The following ZNF326 variants were observed in gnomAD, a reference collection of about 807,000 sequenced individuals.
ZNF326 encodes the protein DBIRD complex subunit ZNF326.
Under a neutral mutation model 63.1 loss-of-function variants are expected in ZNF326, and 30 were observed. The ratio of observed to expected loss-of-function variants is 0.48; its 90% CI spans 0.36 to 0.64. The LOEUF is 0.64. Ranked by LOEUF, ZNF326 falls within the 30% of genes least tolerant of loss-of-function variation. The pLI is 0.00. For synonymous variants in ZNF326, 194 were observed against 228.2 expected (o/e 0.85, Z 1.35); for missense variants, 609 against 720.3 (o/e 0.85, Z 1.77).
chr1:90,007,130 C>G lies in ZNF326; in HGVS notation c.210-215C>G, dbSNP rs1025559435. Among the ~76,000 whole-genome samples, 3 of 152,136 alleles carry G rather than the reference C, an allele frequency of 2.0e-5. No individual in the cohort carries two copies. The highest frequency in any genetic ancestry group is 7.2e-5 in the African/African-American group (3 of 41,418). ...TTTTAAAGCTAAGTTTTACTAAACT[C>G]AATTCATATTTATAATCTGACTCAG... On this transcript the variant is annotated intron_variant, in intron 4 of 11. Transcript: ENST00000340281. The surrounding 1 kb of genome is among the most constrained non-coding windows in gnomAD (Gnocchi z 4.9).
In ZNF326 at chr1:90,011,993, C is replaced by T. The variant is rs145737230; in HGVS notation, c.815-1133C>T. On this transcript the variant is annotated intron_variant, in intron 6 of 11. Transcript: ENST00000340281. ...CTGGGACTACAGATGTGCACCACCACGCCCAGCTAATTGTTGTATCTTGAG... is the reference window on the plus strand; with the variant it reads ...CTGGGACTACAGATGTGCACCACCATGCCCAGCTAATTGTTGTATCTTGAG... 4.9e-3 allele frequency among the ~76,000 whole-genome samples: 752 copies of T among 152,188 alleles called. 5 individuals carry two copies. Among genetic ancestry groups the T allele is most frequent in the African/African-American group, 0.017 (707 of 41,518 alleles).
chr1:90,007,752 T>A lies in ZNF326; in HGVS notation c.615+2T>A. 1 of 1,503,246 alleles carries A rather than the reference T, an allele frequency of 6.7e-7. No individual in the cohort carries two copies. The highest frequency in any genetic ancestry group is 8.9e-7 in the Non-Finnish European group (1 of 1,125,886). 93.1% of individuals were successfully genotyped at this position (1,503,246 alleles called of 1,614,324 possible). A position where few individuals can be genotyped will look rare whatever the true frequency, so the allele number is the denominator to read the frequency against. On this transcript the variant is annotated splice_donor_variant, in intron 5 of 11. Transcript: ENST00000340281. LOFTEE classifies it high-confidence loss of function. This position sits in a 1 kb window ranked among gnomAD's most constrained non-coding sequence, Gnocchi z 4.9. ...ACAGGCAGAGGCCGAGGCCGAGGAG[T>A]AAGTACAACAGAATCTTTTCAGATT...
chr1:90,027,767 T>G lies in ZNF326; in HGVS notation c.*66T>G. On this transcript the variant is annotated 3_prime_UTR_variant, in exon 12 of 12. Transcript: ENST00000340281. ...TCTAATGTAAAAAAGGGTAAGAAAT[T>G]TAATAGCTTAAAATATGAATTAACA... The G allele has an allele frequency of 2.7e-6, 4 of 1,479,354 alleles. No individual in the cohort carries two copies. Among genetic ancestry groups the G allele is most frequent in the Non-Finnish European group, 3.7e-6 (4 of 1,068,762 alleles). The allele number at this position is 1,479,354 out of a possible 1,614,324, so 91.6% of individuals were successfully genotyped here. A position where few individuals can be genotyped will look rare whatever the true frequency, so the allele number is the denominator to read the frequency against.
Position 90,007,657 on chromosome 1 carries a change from G to A in ZNF326, c.522G>A (p.Gly174=), listed in dbSNP as rs1168765074. The change falls in exon 5 of 12, where the codon GGG becomes GGA. Residue 174 remains glycine (G), a synonymous_variant. Coordinates refer to ENST00000340281, the MANE Select transcript of ZNF326 (RefSeq NM_182976.4). This position sits in a 1 kb window ranked among gnomAD's most constrained non-coding sequence, Gnocchi z 4.9. ...HMKPAPVGSR[G]RGTPAYPEST... ...AGCCTGCACCTGTAGGCTCTCGGGG[G>A]AGAGGAACGCCTGCTTATCCTGAAA... The A allele has an allele frequency of 3.3e-6, 5 of 1,535,442 alleles. No individual in the cohort carries two copies. Among genetic ancestry groups the A allele is most frequent in the Non-Finnish European group, 4.4e-6 (5 of 1,142,918 alleles).
rs1351556631 is a variant in ZNF326 at position 90,027,553 on chromosome 1, A to G, written c.1601A>G (p.Asn534Ser). Residue 534 changes from asparagine (N) to serine (S), a missense_variant, in exon 12 of 12, where the codon AAT (asparagine) becomes AGT (serine). This residue lies in a region of ZNF326 where 399 missense variants were observed against 444.3 expected (regional missense o/e 0.90). Transcript: ENST00000340281. The part of the protein sequence containing the change: ...VREGGIEGEG[N>S]IQGVGEGGEV... ...GAAGGAGGAATAGAGGGCGAGGGAA[A>G]TATACAGGGAGTAGGGGAAGGAGGG... 1 of 1,608,344 alleles carries G rather than the reference A, an allele frequency of 6.2e-7. No homozygotes were observed. Among genetic ancestry groups the G allele is most frequent in the Admixed American group, 1.7e-5 (1 of 58,916 alleles).
chr1:90,022,110 G>A, intron 10 of ZNF326, 140 bp from the exon 11 acceptor site: 1 of 626,278 alleles, frequency 1.6e-6, no homozygotes, highest in Non-Finnish European at 2.8e-6. Flanking sequence ...TGTGGTTATA[G>A]TAGTTGCTAT....
In ZNF326 at chr1:89,995,115, C is replaced by G; in HGVS notation, c.-143C>G. 2.0e-6 allele frequency: 2 copies of G among 1,024,228 alleles called. No homozygotes were observed. Among genetic ancestry groups the G allele is most frequent in the African/African-American group, 1.7e-5 (1 of 59,348 alleles). The allele number at this position is 1,024,228 out of a possible 1,614,324, so 63.4% of individuals were successfully genotyped here. On this transcript the variant is annotated 5_prime_UTR_variant, in exon 1 of 12. Coordinates refer to ENST00000340281, the MANE Select transcript of ZNF326 (RefSeq NM_182976.4). ...CCGGTCGGCCCCGCCTCCCCAGCCT[C>G]GCTGTGGCCTGCGGCTCCCGGGCTG...
chr1:90,015,557 G>T (rs1453793941), intron 7 of ZNF326, among the ~76,000 whole-genome samples: 1 of 152,160 alleles, frequency 6.6e-6, no homozygotes, highest in Non-Finnish European at 1.5e-5. Flanking sequence ...GCACGTGCCT[G>T]TGGTCCCAGC....
chr1:90,025,000 A>G (rs559300094), intron 11 of ZNF326, among the ~76,000 whole-genome samples: 3 of 65,634 alleles, frequency 4.6e-5, no homozygotes, highest in African/African-American at 1.8e-4. Context: ...TTTTTTTTCT[A>G]ATCTTCCTCA....
At chr1:90,025,488 G>A (rs764849936) in intron 11 of ZNF326, among the ~76,000 whole-genome samples, 18 of 152,086 alleles carry the variant, frequency 1.2e-4, no homozygotes, top group Admixed American at 2.0e-4. Flanking sequence ...GTTACTGAGC[G>A]TCTCCCCTGG....
Position 90,017,322 on chromosome 1 carries a change from C to A in ZNF326, c.932C>A (p.Ala311Glu). 6.3e-7 allele frequency: 1 copy of A among 1,589,020 alleles called. No individual in the cohort carries two copies. Among genetic ancestry groups the A allele is most frequent in the Non-Finnish European group, 8.5e-7 (1 of 1,171,296 alleles). Residue 311 changes from alanine (A) to glutamate (E), a missense_variant, in exon 8 of 12, where the codon GCA becomes GAA. This residue lies in a region of ZNF326 where 399 missense variants were observed against 444.3 expected (regional missense o/e 0.90). Coordinates refer to ENST00000340281, the MANE Select transcript of ZNF326 (RefSeq NM_182976.4). ...SEKYGDGYRMAFTCSFCKFRT... is the reference protein window; with the variant it reads ...SEKYGDGYRMEFTCSFCKFRT... The stretch of plus-strand genomic sequence containing the variant: ...AACTTTTTTTTCTCTTACAGAATGG[C>A]ATTTACATGTTCATTTTGTAAATTT...
intron 11 of ZNF326, among the ~76,000 whole-genome samples, chr1:90,023,418 C>T (rs1006082781): frequency 9.2e-5 from 14 of 152,240 alleles, no homozygotes; most frequent in Admixed American, 9.2e-4. Context: ...ATTTAGTGAC[C>T]ATTAAATTGT....
rs1650245883 is a variant in ZNF326, at chr1:90,030,960, C to T, written c.*3259C>T. 6.6e-6 allele frequency: 1 copy of T among 152,224 alleles called. No individual in the cohort carries two copies. Among genetic ancestry groups the T allele is most frequent in the African/African-American group, 2.4e-5 (1 of 41,446 alleles). 9.4% of individuals were successfully genotyped at this position (152,224 alleles called of 1,614,324 possible). A position where few individuals can be genotyped will look rare whatever the true frequency, so the allele number is the denominator to read the frequency against. ...TACAGGCATGAGCCACCACGCCTAT[C>T]CTGGAGGTGATATATTTTTAACAAA... On this transcript the variant is annotated 3_prime_UTR_variant, in exon 12 of 12. Transcript: ENST00000340281.
intron 1 of ZNF326, among the ~76,000 whole-genome samples, chr1:89,996,499 A>G (rs1648381405): frequency 6.6e-6 from 1 of 152,238 alleles, no homozygotes; most frequent in Admixed American, 6.5e-5. Flanking sequence ...TAGTAAGTTC[A>G]GCTCTTAAGA....
rs1040899481 is a variant in ZNF326, at chr1:90,007,002, G to A, written c.210-343G>A. Among the ~76,000 whole-genome samples, 1 of 152,166 alleles carries A rather than the reference G, an allele frequency of 6.6e-6. No individual in the cohort carries two copies. The highest frequency in any genetic ancestry group is 1.5e-5 in the Non-Finnish European group (1 of 68,028). ...AGATTCAAAAAAGTTTGAATAGTTT[G>A]TGAACTTTAGCAAATGACCTTTTCC... On this transcript the variant is annotated intron_variant, in intron 4 of 11. Coordinates refer to ENST00000340281, the MANE Select transcript of ZNF326 (RefSeq NM_182976.4). This position sits in a 1 kb window ranked among gnomAD's most constrained non-coding sequence, Gnocchi z 4.9.
Position 90,006,401 on chromosome 1 carries a change from A to C in ZNF326, c.210-944A>C, listed in dbSNP as rs185472292. ...TCCGTAGATGTTATTGTTTTATCTC[A>C]TGTGTAATTGTGGGCCTTTATAAAA... On this transcript the variant is annotated intron_variant, in intron 4 of 11. Coordinates refer to ENST00000340281, the MANE Select transcript of ZNF326 (RefSeq NM_182976.4). The C allele has an allele frequency of 2.6e-5, 26 of 984,852 alleles. No homozygotes were observed. The Admixed American group carries it at 6.2e-4, about 23-fold the overall frequency. The allele number at this position is 984,852 out of a possible 1,614,324, so 61.0% of individuals were successfully genotyped here.
chr1:90,014,226 T>C (rs1197846397), intron 7 of ZNF326, among the ~76,000 whole-genome samples: 4 of 152,072 alleles, frequency 2.6e-5, no homozygotes, highest in Non-Finnish European at 4.4e-5. Flanking sequence ...TTAAAAGTTA[T>C]AGAATAAATT....
intron 1 of ZNF326, 65 bp from the exon 2 acceptor site, chr1:89,998,045 G>A (rs1306100403): frequency 1.8e-5 from 25 of 1,423,046 alleles, no homozygotes; most frequent in Middle Eastern, 1.9e-4. Flanking sequence ...TTACTGGATC[G>A]GCATATAATT....
In ZNF326 at chr1:90,030,665, TCTA is replaced by T. The variant is rs1250129893; in HGVS notation, c.*2967_*2969del. 1 of 151,688 alleles carries T rather than the reference TCTA, an allele frequency of 6.6e-6. No individual in the cohort carries two copies. Among genetic ancestry groups the T allele is most frequent in the Non-Finnish European group, 1.5e-5 (1 of 67,924 alleles). The allele number at this position is 151,688 out of a possible 1,614,324, so 9.4% of individuals were successfully genotyped here. ...ATATTCTTTGGAGGTGTTCTTTTTT[TCTA>T]CTTTTTTTTTTTTTTTCTTTAGGTT... On this transcript the variant is annotated 3_prime_UTR_variant, in exon 12 of 12. Transcript: ENST00000340281.
Sources: gnomAD v4.1 joint callset for allele counts (sites outside exome capture counted in the v4.1 genomes callset) on GRCh38, gnomAD v4.1.1 for gene constraint, gnomAD v4.1.1 regional missense constraint, Gnocchi (gnomAD v3.1) non-coding constraint, MANE v1.5 for transcripts, NCBI Gene and HGNC (gene_info 2026-07-23, HGNC 2026-07-21) for gene names.